Variants in PRLR observed in about 807,000 individuals in gnomAD.
PRLR encodes prolactin receptor, also known as hPRL receptor.
Under a neutral mutation model 40.2 loss-of-function variants are expected in PRLR, and 13 were observed. The observed-to-expected ratio is 0.32, with a 90% CI of 0.21 to 0.51. The LOEUF (loss-of-function observed/expected upper bound fraction) is 0.51. Among genes scored for constraint, PRLR ranks in the 20% least tolerant of loss-of-function variants. The probability of loss-of-function intolerance (pLI) is 0.97; values close to 1 mark genes in which losing one functional copy is unlikely to be tolerated. For synonymous variants in PRLR, 269 were observed against 278.7 expected (o/e 0.97, Z 0.35); for missense variants, 656 against 747.3 (o/e 0.88, Z 1.42).
In PRLR at chr5:35,134,947, G is replaced by A. The variant is rs1390305859; in HGVS notation, c.-105-16825C>T. 4.6e-5 allele frequency among the ~76,000 whole-genome samples: 7 copies of A among 152,176 alleles called. No individual in the cohort carries two copies. The East Asian group carries it at 5.8e-4, about 13-fold the overall frequency. ...AGATATTTCCTGGTGCTGGTGTAACGCAGCCCAGTCATCTAAGCCATCTAT... is the reference window on the plus strand; with the variant it reads ...AGATATTTCCTGGTGCTGGTGTAACACAGCCCAGTCATCTAAGCCATCTAT... On this transcript the variant is annotated intron_variant, in intron 1 of 9. Coordinates refer to ENST00000618457, the MANE Select transcript of PRLR (RefSeq NM_000949.7).
chr5:35,180,378 T>C (rs1222119080), intron 1 of PRLR, among the ~76,000 whole-genome samples: 1 of 152,132 alleles, frequency 6.6e-6, no homozygotes, highest in Non-Finnish European at 1.5e-5. Flanking sequence ...TGACTTCTCA[T>C]GAGATGTAGT....
At chr5:35,096,511 A>C (rs909599888) in intron 2 of PRLR, among the ~76,000 whole-genome samples, 1 of 152,168 alleles carries the variant, frequency 6.6e-6, no homozygotes, top group African/African-American at 2.4e-5. Context: ...AACACCCATA[A>C]ATCATACATT....
At chr5:35,165,533 G>C (rs1774798151) in intron 1 of PRLR, among the ~76,000 whole-genome samples, 1 of 152,170 alleles carries the variant, frequency 6.6e-6, no homozygotes, top group Non-Finnish European at 1.5e-5. Context: ...CTATTGAAAG[G>C]GGTTTTTGAT....
chr5:35,096,236 C>A (rs1262481229), intron 2 of PRLR, among the ~76,000 whole-genome samples: 1 of 152,242 alleles, frequency 6.6e-6, no homozygotes, highest in Non-Finnish European at 1.5e-5. Flanking sequence ...GATGCTTCCC[C>A]ATGGCTGGAA....
At chr5:35,177,841 G>C (rs1407353159) in intron 1 of PRLR, among the ~76,000 whole-genome samples, 3 of 152,132 alleles carry the variant, frequency 2.0e-5, no homozygotes, top group Non-Finnish European at 4.4e-5. Flanking sequence ...GGAATTGTTG[G>C]TTCACCTAGT....
At chr5:35,048,940 A>G (rs1768377668) in exon 9 of PRLR, 1 of 360,708 alleles carries the variant, frequency 2.8e-6, no homozygotes, top group Non-Finnish European at 5.5e-6. Flanking sequence ...ATCTTGGGTC[A>G]CCCTGTAAGG....
At chr5:35,074,342 G>A (rs959544691) in intron 5 of PRLR, among the ~76,000 whole-genome samples, 21 of 151,714 alleles carry the variant, frequency 1.4e-4, no homozygotes, top group African/African-American at 4.9e-4. Context: ...TGCACCTGTA[G>A]TTCCAGCTAC....
intron 2 of PRLR, among the ~76,000 whole-genome samples, chr5:35,116,214 C>T (rs1438992145): frequency 6.6e-6 from 1 of 152,062 alleles, no homozygotes; most frequent in Non-Finnish European, 1.5e-5. Context: ...GTGTACAAAC[C>T]CTAGGGCTTT....
chr5:35,162,527 A>G (rs1182084740), intron 1 of PRLR, among the ~76,000 whole-genome samples: 1 of 152,246 alleles, frequency 6.6e-6, no homozygotes, highest in East Asian at 1.9e-4. Flanking sequence ...TTATGAAACT[A>G]TGTGAGCACA....
rs145260476 is a variant in PRLR, at chr5:35,184,495, C to T, written c.-106+45773G>A. Among the ~76,000 whole-genome samples, 320 of 152,130 alleles carry T rather than the reference C, an allele frequency of 2.1e-3. 1 individual carries two copies. The highest frequency in any genetic ancestry group is 7.5e-3 in the African/African-American group (312 of 41,500). On this transcript the variant is annotated intron_variant, in intron 1 of 9. Transcript: ENST00000618457. ...TTGAGCCACTGCACTCCAGCCTAGG[C>T]GACAGAGTGAGACTCCATCTTATAA...
rs768834917 is a variant in PRLR, at chr5:35,070,176, G to T, written c.633C>A (p.Asp211Glu). Residue 211 changes from aspartate to glutamate, a missense_variant, in exon 7 of 10, where the codon GAC becomes GAA. Asp to Glu is a conservative substitution (Grantham distance 45). Around this residue, in one of 3 missense-constraint regions of PRLR, gnomAD observed 7 missense variants for 19.0 expected, o/e 0.37. Transcript: ENST00000618457. ...KYLVQVRCKP[D>E]HGYWSAWSPA... ...GACTCCATGCACTCCAGTATCCATG[G>T]TCTGGTTTGCAGCGAACCTGGACAA... 1 of 1,614,138 alleles carries T rather than the reference G, an allele frequency of 6.2e-7. No homozygotes were observed. Among genetic ancestry groups the T allele is most frequent in the South Asian group, 1.1e-5 (1 of 91,064 alleles).
At chr5:35,078,343 T>TAG in intron 5 of PRLR, among the ~76,000 whole-genome samples, 1 of 151,354 alleles carries the variant, frequency 6.6e-6, no homozygotes, top group Non-Finnish European at 1.5e-5. Flanking sequence ...AAAAATGAAA[T>TAG]ACATGCAATA....
chr5:35,228,879 G>A (rs1011951382), intron 1 of PRLR, among the ~76,000 whole-genome samples: 1 of 151,964 alleles, frequency 6.6e-6, no homozygotes, highest in Admixed American at 6.5e-5. Flanking sequence ...GAGGAATAAG[G>A]GATTGTCACC....
intron 1 of PRLR, among the ~76,000 whole-genome samples, chr5:35,225,945 G>C (rs1007653263): frequency 1.3e-5 from 2 of 152,212 alleles, no homozygotes; most frequent in African/African-American, 4.8e-5. Flanking sequence ...GCCTCCTAAA[G>C]TGCTTGGATT....
intron 2 of PRLR, among the ~76,000 whole-genome samples, chr5:35,095,385 C>T (rs1454570334): frequency 2.6e-5 from 4 of 152,178 alleles, no homozygotes; most frequent in African/African-American, 9.7e-5. Flanking sequence ...ACTGGTCCCA[C>T]GCTGGTATTT....
At chr5:35,104,563 A>G (rs762530852) in intron 2 of PRLR, among the ~76,000 whole-genome samples, 2 of 152,068 alleles carry the variant, frequency 1.3e-5, no homozygotes, top group Non-Finnish European at 2.9e-5. Flanking sequence ...ATGGCACACT[A>G]GGAGATTATA....
At chr5:35,142,240 G>C (rs567994429) in intron 1 of PRLR, among the ~76,000 whole-genome samples, 1 of 152,180 alleles carries the variant, frequency 6.6e-6, no homozygotes, top group African/African-American at 2.4e-5. Flanking sequence ...TGATGCCTAG[G>C]TTGAACTGAA....
intron 3 of PRLR, among the ~76,000 whole-genome samples, chr5:35,088,764 A>C (rs1456986432): frequency 6.6e-6 from 1 of 152,144 alleles, no homozygotes; most frequent in African/African-American, 2.4e-5. Flanking sequence ...AAGTACACAC[A>C]CCACACACAC....
intron 2 of PRLR, among the ~76,000 whole-genome samples, chr5:35,112,243 G>C (rs1466012099): frequency 6.6e-6 from 1 of 152,102 alleles, no homozygotes; most frequent in African/African-American, 2.4e-5. Flanking sequence ...AGGGTTATTT[G>C]AAATACCTAA....
Sources: allele counts gnomAD v4.1 joint callset (sites outside exome capture counted in the v4.1 genomes callset), GRCh38; gene constraint gnomAD v4.1.1; regional missense constraint gnomAD v4.1.1; transcripts MANE v1.5; gene names NCBI Gene and HGNC (gene_info 2026-07-23, HGNC 2026-07-21).